The following SHISA9 variants were observed in gnomAD, a reference collection of about 807,000 sequenced individuals.
SHISA9 encodes shisa family member 9, also known as protein shisa-9.
In SHISA9, 13 loss-of-function variants were observed where a neutral mutation model predicts 38.0. The observed-to-expected ratio is 0.34, with a 90% CI of 0.22 to 0.54. The LOEUF (loss-of-function observed/expected upper bound fraction) is 0.54. SHISA9 is among the 20% of genes least tolerant of loss of function. SHISA9 has a pLI of 0.91. For synonymous variants in SHISA9, 275 were observed against 242.0 expected, an observed-to-expected ratio of 1.14 and a Z score of -1.27; for missense variants, 538 against 575.8, an observed-to-expected ratio of 0.93 and a Z score of 0.67.
intron 1 of SHISA9, among the ~76,000 whole-genome samples, chr16:12,908,190 A>G (rs1484563157): frequency 6.6e-6 from 1 of 152,152 alleles, no homozygotes; most frequent in Non-Finnish European, 1.5e-5. Context: ...TGTCTACTGA[A>G]GAGAATTATG....
At chr16:13,341,068 C>T in the SHISA9 span, among the ~76,000 whole-genome samples, 2 of 152,140 alleles carry the variant, frequency 1.3e-5, no homozygotes, top group Non-Finnish European at 2.9e-5. Flanking sequence ...CTGTCTTTCC[C>T]AGCAGACTCC....
At chr16:13,015,904 T>C (rs149050401) in intron 2 of SHISA9, among the ~76,000 whole-genome samples, 1,909 of 120,218 alleles carry the variant, frequency 0.016, 33 homozygotes, top group East Asian at 0.04. Flanking sequence ...CTTTCTTTCT[T>C]TCTTTTCTTT....
the SHISA9 span, among the ~76,000 whole-genome samples, chr16:13,464,565 G>C: frequency 0.28 from 43,220 of 152,066 alleles, 6,474 homozygotes; most frequent in African/African-American, 0.37. Flanking sequence ...GGAATTTCAT[G>C]TCAATTTTGT....
chr16:13,465,133 G>A, the SHISA9 span, among the ~76,000 whole-genome samples: 1 of 152,184 alleles, frequency 6.6e-6, no homozygotes, highest in Non-Finnish European at 1.5e-5. Context: ...TGGGTAGGTG[G>A]AGGAAGGAGC....
At chr16:13,535,285 TC>T in the SHISA9 span, among the ~76,000 whole-genome samples, 1 of 152,082 alleles carries the variant, frequency 6.6e-6, no homozygotes, top group African/African-American at 2.4e-5. Context: ...AACTCAACTC[TC>T]CAGTTCCTAA....
chr16:13,029,809 C>A (rs953012549), intron 2 of SHISA9, among the ~76,000 whole-genome samples: 2 of 152,202 alleles, frequency 1.3e-5, no homozygotes, highest in African/African-American at 2.4e-5. Context: ...AGATCCACAT[C>A]CATCTCGTCA....
intron 2 of SHISA9, among the ~76,000 whole-genome samples, chr16:13,144,412 A>G (rs572811825): frequency 9.9e-5 from 15 of 151,994 alleles, no homozygotes; most frequent in Non-Finnish European, 1.8e-4. Flanking sequence ...CGGCCTCCCA[A>G]AGTGCTGGGA....
intron 2 of SHISA9, among the ~76,000 whole-genome samples, chr16:13,070,157 C>CTGTGTGTGTGT (rs1555459120): frequency 7.4e-6 from 1 of 134,678 alleles, no homozygotes; most frequent in African/African-American, 2.7e-5. Flanking sequence ...TGTGTGTGCA[C>CTGTGTGTGTGT]GCATGTGTCT....
chr16:13,230,841 C>T (rs946288015), intron 4 of SHISA9, among the ~76,000 whole-genome samples: 42 of 152,164 alleles, frequency 2.8e-4, no homozygotes, highest in African/African-American at 8.9e-4. Context: ...TCGCCTTTTT[C>T]GACCATATAG....
At chr16:13,477,662 T>C in the SHISA9 span, among the ~76,000 whole-genome samples, 2 of 152,170 alleles carry the variant, frequency 1.3e-5, no homozygotes, top group African/African-American at 4.8e-5. Flanking sequence ...AACTGAAATG[T>C]GCACTTCAAA....
chr16:12,966,352 A>C (rs1783735242), intron 2 of SHISA9, among the ~76,000 whole-genome samples: 2 of 60,930 alleles, frequency 3.3e-5, no homozygotes, highest in African/African-American at 1.3e-4. Context: ...CCCTTCTCAA[A>C]TCCTAAAGCG....
intron 4 of SHISA9, 46 bp from the exon 5 acceptor site, chr16:13,234,984 C>CTCTTCTCTT: frequency 6.7e-7 from 1 of 1,492,904 alleles, no homozygotes; most frequent in South Asian, 1.3e-5. Context: ...CTCTCTCTCT[C>CTCTTCTCTT]TCTTCTCTTT....
the SHISA9 span, chr16:13,562,962 C>T: frequency 2.0e-5 from 3 of 152,076 alleles, no homozygotes; most frequent in East Asian, 3.9e-4. Context: ...GCAGAACACT[C>T]GTTTGGTGGA....
chr16:13,144,570 T>C (rs1049877723), intron 2 of SHISA9, among the ~76,000 whole-genome samples: 1 of 152,148 alleles, frequency 6.6e-6, no homozygotes, highest in African/African-American at 2.4e-5. Flanking sequence ...ATGTGCATAT[T>C]ACGAGGTCGG....
the SHISA9 span, among the ~76,000 whole-genome samples, chr16:13,519,670 T>C: frequency 6.6e-6 from 1 of 152,160 alleles, no homozygotes; most frequent in African/African-American, 2.4e-5. Flanking sequence ...TCCACAGGGC[T>C]GGGGAGGCCT....
the SHISA9 span, among the ~76,000 whole-genome samples, chr16:13,382,505 G>T: frequency 2.1e-5 from 3 of 145,106 alleles, no homozygotes; most frequent in Non-Finnish European, 4.5e-5. Flanking sequence ...ACTCAAGCCT[G>T]GATGAAAAGG....
chr16:13,190,407 A>C (rs961863388), intron 2 of SHISA9, among the ~76,000 whole-genome samples: 1 of 152,162 alleles, frequency 6.6e-6, no homozygotes, highest in South Asian at 2.1e-4. Flanking sequence ...TCTGTTTCAG[A>C]ACTGATAACA....
the SHISA9 span, among the ~76,000 whole-genome samples, chr16:13,247,212 A>G: frequency 2.0e-5 from 3 of 152,128 alleles, no homozygotes; most frequent in Non-Finnish European, 4.4e-5. Flanking sequence ...TCATGAGAAC[A>G]GCATGGGGGA....
intron 2 of SHISA9, among the ~76,000 whole-genome samples, chr16:13,080,088 A>T (rs940782050): frequency 2.6e-5 from 4 of 152,038 alleles, no homozygotes; most frequent in Non-Finnish European, 5.9e-5. Context: ...ACACACCACC[A>T]CTCAGCCGGG....
Sources: allele counts gnomAD v4.1 joint callset (sites outside exome capture counted in the v4.1 genomes callset), GRCh38; gene constraint gnomAD v4.1.1; transcripts MANE v1.5; gene names NCBI Gene and HGNC (gene_info 2026-07-23, HGNC 2026-07-21).